Variants in ABCG8 observed in about 807,000 individuals in gnomAD.
ABCG8 encodes ATP-binding cassette sub-family G member 8.
A neutral mutation model predicts 71.3 loss-of-function variants in ABCG8; 81 were observed. That is an observed-to-expected ratio of 1.14 (90% CI 0.95 to 1.37). The LOEUF (loss-of-function observed/expected upper bound fraction) is 1.37. Ranked by LOEUF, ABCG8 falls within the 40% of genes most tolerant of loss-of-function variation. The probability of loss-of-function intolerance (pLI) is 0.00; values close to 1 mark genes in which losing one functional copy is unlikely to be tolerated. For synonymous variants in ABCG8, 451 were observed against 354.7 expected, an observed-to-expected ratio of 1.27 and a Z score of -3.05; for missense variants, 1,119 against 866.2, an observed-to-expected ratio of 1.29 and a Z score of -3.66.
In ABCG8 at chr2:43,852,361, A is replaced by G; in HGVS notation, c.569A>G (p.Asp190Gly). 1 of 1,612,174 alleles carries G rather than the reference A, an allele frequency of 6.2e-7. No individual in the cohort carries two copies. Among genetic ancestry groups the G allele is most frequent in the Non-Finnish European group, 8.5e-7 (1 of 1,180,004 alleles). The change falls in exon 5 of 13, where the codon GAC (aspartate) becomes GGC (glycine). Residue 190 changes from aspartate to glycine, a missense_variant. Coordinates refer to ENST00000272286, the MANE Select transcript of ABCG8 (RefSeq NM_022437.3). ...GCTCCTTCTGGCCCACAGGTGGAGG[A>G]CGTGATCGCGGAGCTGCGGCTTAGG... Reference protein sequence around the residue: ...SQAQRDKRVEDVIAELRLRQC... With the variant: ...SQAQRDKRVEGVIAELRLRQC...
At chr2:43,843,141 G>T (rs1176871640) in intron 1 of ABCG8, among the ~76,000 whole-genome samples, 1 of 152,190 alleles carries the variant, frequency 6.6e-6, no homozygotes, top group Non-Finnish European at 1.5e-5. Flanking sequence ...TCTCTGCCTG[G>T]TCTGTCTCGC....
intron 6 of ABCG8, among the ~76,000 whole-genome samples, chr2:43,858,687 T>C (rs1450443403): frequency 1.3e-5 from 2 of 151,592 alleles, no homozygotes; most frequent in Admixed American, 6.6e-5. Context: ...TCTCACACTC[T>C]GGTTAGAACT....
Position 43,857,023 on chromosome 2 carries a change from C to A in ABCG8, c.964+4155C>A, listed in dbSNP as rs113265472. ...TCGCACTATCTACCTGGATAGAAGTCTCACTCTCTGGATATAACTCTCACT... is the reference window on the plus strand; with the variant it reads ...TCGCACTATCTACCTGGATAGAAGTATCACTCTCTGGATATAACTCTCACT... On this transcript the variant is annotated intron_variant, in intron 6 of 12. Coordinates refer to ENST00000272286, the MANE Select transcript of ABCG8 (RefSeq NM_022437.3). Among the ~76,000 whole-genome samples the A allele has an allele frequency of 8.3e-3, 1,266 of 151,882 alleles. 28 individuals carry two copies. Among genetic ancestry groups the A allele is most frequent in the African/African-American group, 0.028 (1,162 of 41,476 alleles).
rs767410900 is a variant in ABCG8 at position 43,880,663 on chromosome 2, T to TGCGC, written c.*2763_*2766dup. ...CAGAGTTAGGGAGTGTGTGTGTGTG[T>TGCGC]GCGCGCGCGCGCGCGCATGTGCATA... On this transcript the variant is annotated 3_prime_UTR_variant, in exon 13 of 13. Coordinates refer to ENST00000272286, the MANE Select transcript of ABCG8 (RefSeq NM_022437.3). 1.3e-5 allele frequency: 2 copies of TGCGC among 151,764 alleles called. No individual in the cohort carries two copies. The highest frequency in any genetic ancestry group is 4.8e-5 in the African/African-American group (2 of 41,290). 9.4% of individuals were successfully genotyped at this position (151,764 alleles called of 1,614,324 possible). A position where few individuals can be genotyped will look rare whatever the true frequency, so the allele number is the denominator to read the frequency against.
At chr2:43,856,746 T>C (rs72796770) in intron 6 of ABCG8, among the ~76,000 whole-genome samples, 8,196 of 151,764 alleles carry the variant, frequency 0.054, 272 homozygotes, top group Middle Eastern at 0.11. Flanking sequence ...TGGAAGAAGT[T>C]TCACTATCTG....
In ABCG8 at chr2:43,880,176, T is replaced by G. The variant is rs1162823720; in HGVS notation, c.*2263T>G. On this transcript the variant is annotated 3_prime_UTR_variant, in exon 13 of 13. Coordinates refer to ENST00000272286, the MANE Select transcript of ABCG8 (RefSeq NM_022437.3). ...AAGAGTTTCAGGCTCATTTTTTGTT[T>G]TGTTTTTTTTTTTTTGAGACAGAAT... 3 of 135,926 alleles carry G rather than the reference T, an allele frequency of 2.2e-5. No individual in the cohort carries two copies. Among genetic ancestry groups the G allele is most frequent in the Admixed American group, 1.5e-4 (2 of 13,334 alleles). The allele number at this position is 135,926 out of a possible 1,614,324, so 8.4% of individuals were successfully genotyped here.
At chr2:43,862,913 T>C (rs72796790) in intron 6 of ABCG8, among the ~76,000 whole-genome samples, 7,790 of 149,000 alleles carry the variant, frequency 0.052, 250 homozygotes, top group Middle Eastern at 0.11. Context: ...AAACAACTCT[T>C]ACAATCTGGA....
intron 1 of ABCG8, among the ~76,000 whole-genome samples, chr2:43,843,351 G>A (rs1668640831): frequency 6.6e-6 from 1 of 152,168 alleles, no homozygotes; most frequent in South Asian, 2.1e-4. Flanking sequence ...TAATGAAAGT[G>A]TACTTGTTCC....
rs1374073675 is a variant in ABCG8, at chr2:43,880,158, T to G, written c.*2245T>G. 2 of 147,748 alleles carry G rather than the reference T, an allele frequency of 1.4e-5. No individual in the cohort carries two copies. Among genetic ancestry groups the G allele is most frequent in the Non-Finnish European group, 3.0e-5 (2 of 67,580 alleles). The allele number at this position is 147,748 out of a possible 1,614,324, so 9.2% of individuals were successfully genotyped here. On this transcript the variant is annotated 3_prime_UTR_variant, in exon 13 of 13. Coordinates refer to ENST00000272286, the MANE Select transcript of ABCG8 (RefSeq NM_022437.3). ...TTGAGGGCTGAAACAACCAAGAGTT[T>G]CAGGCTCATTTTTTGTTTTGTTTTT... is the stretch of plus-strand genomic sequence containing the variant.
At chr2:43,844,192 G>A (rs1221456403) in intron 1 of ABCG8, among the ~76,000 whole-genome samples, 3 of 152,044 alleles carry the variant, frequency 2.0e-5, no homozygotes, top group Admixed American at 6.6e-5. Flanking sequence ...AACTCTCTCC[G>A]GTCCAGAGTC....
intron 6 of ABCG8, among the ~76,000 whole-genome samples, chr2:43,861,967 G>A (rs1669336318): frequency 6.6e-6 from 1 of 150,814 alleles, no homozygotes; most frequent in South Asian, 2.1e-4. Flanking sequence ...TCTCTGGATA[G>A]AACTAGCACT....
chr2:43,839,203 C>G (rs1217012126), intron 1 of ABCG8, 87 bp downstream of exon 1: 4 of 1,374,354 alleles, frequency 2.9e-6, no homozygotes, highest in East Asian at 2.5e-5. Flanking sequence ...AGCCTTCTGT[C>G]CTAGCACCAC....
chr2:43,844,665 C>A (rs370170786), intron 2 of ABCG8, 57 bp downstream of exon 2: 5 of 1,415,482 alleles, frequency 3.5e-6, no homozygotes, highest in African/African-American at 1.4e-5. Flanking sequence ...CCAGGAAATT[C>A]CCCGGGTGGA....
In ABCG8 at chr2:43,846,144, T is replaced by A. The variant is rs753309632; in HGVS notation, c.166-11T>A. The A allele has an allele frequency of 6.2e-7, 1 of 1,612,698 alleles. No homozygotes were observed. Among genetic ancestry groups the A allele is most frequent in the Non-Finnish European group, 8.5e-7 (1 of 1,179,976 alleles). ...CAGCTCTCTAAGGAACCTTCTGATA[T>A]CTCCCCACAGGTGGACCTGGCCTCT... On this transcript the variant is annotated splice_polypyrimidine_tract_variant and intron_variant, in intron 2 of 12. Transcript: ENST00000272286.
In ABCG8 at chr2:43,844,597, C is replaced by G. The variant is rs142250628; in HGVS notation, c.154C>G (p.Leu52Val). 1.0e-3 allele frequency: 1,651 copies of G among 1,613,676 alleles called. 15 individuals carry two copies. In the African/African-American group the frequency reaches 0.02, roughly 20 times the overall value. Residue 52 changes from leucine (L) to valine (V), a missense_variant, in exon 2 of 13, where the codon CTC (leucine) becomes GTC (valine). Physicochemically the swap from Leu to Val is conservative, Grantham distance 32. Transcript: ENST00000272286. ...GCCCAACACCCTGGAGGTCAGAGAC[C>G]TCAACTACCAGGTAGAGGCACGCCT... ...GQPNTLEVRD[L>V]NYQVDLASQV...
chr2:43,876,653 G>A (rs1669967228), intron 11 of ABCG8, among the ~76,000 whole-genome samples: 1 of 150,292 alleles, frequency 6.7e-6, no homozygotes, highest in Non-Finnish European at 1.5e-5. Flanking sequence ...AATATGGGGA[G>A]ACTGTGGGAA....
At chr2:43,850,208 C>T (rs1258191107) in intron 3 of ABCG8, among the ~76,000 whole-genome samples, 1 of 151,900 alleles carries the variant, frequency 6.6e-6, no homozygotes, top group Non-Finnish European at 1.5e-5. Flanking sequence ...ATCTCCAAAA[C>T]AAACAAGCAA....
chr2:43,874,063 C>T lies in ABCG8; in HGVS notation c.1411+77C>T, dbSNP rs551918018. 5.7e-4 allele frequency: 799 copies of T among 1,390,496 alleles called. 8 individuals are homozygous for T. The South Asian group carries it at 8.5e-3, about 15-fold the overall frequency. 86.1% of individuals were successfully genotyped at this position (1,390,496 alleles called of 1,614,324 possible). A position where few individuals can be genotyped will look rare whatever the true frequency, so the allele number is the denominator to read the frequency against. On this transcript the variant is annotated intron_variant, in intron 9 of 12. Coordinates refer to ENST00000272286, the MANE Select transcript of ABCG8 (RefSeq NM_022437.3). ...TGTGTTCCTCTGAGCTCCTGGGGAGCGGGTTTGATTTCATTGTGATTGTGA... is the reference window on the plus strand; with the variant it reads ...TGTGTTCCTCTGAGCTCCTGGGGAGTGGGTTTGATTTCATTGTGATTGTGA...
intron 6 of ABCG8, among the ~76,000 whole-genome samples, chr2:43,869,910 G>T (rs1390429890): frequency 1.3e-5 from 2 of 151,808 alleles, no homozygotes; most frequent in Non-Finnish European, 2.9e-5. Context: ...TCGCTATCTG[G>T]ATTGAATTTT....
Sources: gnomAD v4.1 joint callset for allele counts (sites outside exome capture counted in the v4.1 genomes callset) on GRCh38, gnomAD v4.1.1 for gene constraint, MANE v1.5 for transcripts, NCBI Gene and HGNC (gene_info 2026-07-23, HGNC 2026-07-21) for gene names.